SEMA4B: variants seen among roughly 807,000 people sequenced by gnomAD.
SEMA4B encodes the protein semaphorin-4B.
SEMA4B carries 55 observed loss-of-function variants against 88.1 expected under a neutral mutation model. That is an observed-to-expected ratio of 0.62 (90% CI 0.50 to 0.78). The LOEUF is 0.78. Ranked by LOEUF, SEMA4B falls within the 30% of genes least tolerant of loss-of-function variation. SEMA4B has a pLI of 0.00. For synonymous variants in SEMA4B, 525 were observed against 473.6 expected, an observed-to-expected ratio of 1.11 and a Z score of -1.41; for missense variants, 1,062 against 1,111.9, an observed-to-expected ratio of 0.96 and a Z score of 0.64.
rs908972803 is a variant in SEMA4B at position 90,223,549 on chromosome 15, C to T, written c.862-10C>T. Reference sequence around the variant, plus strand: ...GTGCCTAAGCCCAGCCCATCCGACTCTCCCTCCAGGGCGATGAGGGTGGAG... The same window carrying T: ...GTGCCTAAGCCCAGCCCATCCGACTTTCCCTCCAGGGCGATGAGGGTGGAG... On this transcript the variant is annotated splice_polypyrimidine_tract_variant and intron_variant, in intron 7 of 13. Transcript: ENST00000411539. 6.4e-7 allele frequency: 1 copy of T among 1,567,084 alleles called. No individual in the cohort carries two copies. The highest frequency in any genetic ancestry group is 2.3e-5 in the East Asian group (1 of 44,248).
At chr15:90,185,528 T>C (rs1960138598) in intron 1 of SEMA4B, among the ~76,000 whole-genome samples, 1 of 152,156 alleles carries the variant, frequency 6.6e-6, no homozygotes, top group Admixed American at 6.5e-5. Context: ...GAGAAGGAAG[T>C]TGAGGTTCTG....
intron 7 of SEMA4B, 96 bp downstream of exon 7, chr15:90,221,861 CG>C (rs66795544): frequency 0.54 from 645,002 of 1,202,822 alleles, 181,066 homozygotes; most frequent in East Asian, 0.82. Context: ...TTTCCCATCC[CG>C]CCAAGGAGTA....
At chr15:90,227,791 G>T in intron 13 of SEMA4B, 113 bp from the exon 14 acceptor site, 1 of 1,519,968 alleles carries the variant, frequency 6.6e-7, no homozygotes. Flanking sequence ...AGTCCCAGGG[G>T]TCCCCGGAGT....
chr15:90,198,246 T>C (rs1324039599), upstream of SEMA4B, among the ~76,000 whole-genome samples: 2 of 152,074 alleles, frequency 1.3e-5, no homozygotes, highest in East Asian at 3.8e-4. Context: ...CCAAAGTTGA[T>C]ATAAAAAAAA....
intron 9 of SEMA4B, 80 bp downstream of exon 9, chr15:90,224,068 A>G (rs781185753): frequency 3.3e-5 from 46 of 1,377,080 alleles, no homozygotes; most frequent in Non-Finnish European, 4.5e-5. Flanking sequence ...AAGGCTGCCT[A>G]GCCTCGGGCA....
upstream of SEMA4B, among the ~76,000 whole-genome samples, chr15:90,197,418 T>G (rs979363613): frequency 2.0e-5 from 3 of 151,778 alleles, no homozygotes; most frequent in South Asian, 4.2e-4. Flanking sequence ...AAACGAAGAT[T>G]TAGGTGCTAG....
intron 4 of SEMA4B, chr15:90,220,199 C>A (rs1253019061): frequency 3.0e-6 from 1 of 330,734 alleles, no homozygotes; most frequent in Non-Finnish European, 5.6e-6. Flanking sequence ...TTGCTTGATT[C>A]TCTTGTCTTA....
rs7180448 is a variant in SEMA4B at position 90,201,414 on chromosome 15, T to C, written c.-165T>C. 4.5e-3 allele frequency: 5,749 copies of C among 1,283,696 alleles called. 185 individuals carry two copies. The African/African-American group carries it at 0.076, about 17-fold the overall frequency. The allele number at this position is 1,283,696 out of a possible 1,614,324, so 79.5% of individuals were successfully genotyped here. The stretch of plus-strand genomic sequence containing the variant: ...CGGTGCCCCGCGGAGGGGCTGAGTT[T>C]GCCAGGGCCCACTTGACCCTGTTTC... On this transcript the variant is annotated 5_prime_UTR_variant, in exon 1 of 14. Transcript: ENST00000411539.
Position 90,228,385 on chromosome 15 carries a change from A to T in SEMA4B, c.2256A>T (p.Glu752Asp). The T allele has an allele frequency of 6.3e-7, 1 of 1,599,378 alleles. No homozygotes were observed. Among genetic ancestry groups the T allele is most frequent in the Non-Finnish European group, 8.5e-7 (1 of 1,172,446 alleles). ...TGAAAGTCTTCCTGAAGCAGGGGGA[A>T]TGTGCCAGCGTGCACCCCAAGACCT... is the stretch of plus-strand genomic sequence containing the variant. ...NSMKVFLKQG[E>D]CASVHPKTCP... The change falls in exon 14 of 14, where the codon GAA (glutamate) becomes GAT (aspartate). Residue 752 changes from glutamate (E) to aspartate (D), a missense_variant. Transcript: ENST00000411539.
intron 12 of SEMA4B, among the ~76,000 whole-genome samples, chr15:90,226,792 G>A (rs965071844): frequency 1.3e-5 from 2 of 152,116 alleles, no homozygotes; most frequent in African/African-American, 4.8e-5. Context: ...TAACTGTCAT[G>A]ATCACTGGCT....
Position 90,228,608 on chromosome 15 carries a change from C to G in SEMA4B, c.2479C>G (p.Arg827Gly), listed in dbSNP as rs772058869. The G allele has an allele frequency of 6.2e-7, 1 of 1,613,332 alleles. No individual in the cohort carries two copies. Among genetic ancestry groups the G allele is most frequent in the Non-Finnish European group, 8.5e-7 (1 of 1,179,902 alleles). ...CCCAGTGTGCCCCCGGCCCCGGGTC[C>G]GCCTTGGCTCGGAGATCCGTGACTC... ...VSPVCPRPRVRLGSEIRDSVV is the reference protein window; with the variant it reads ...VSPVCPRPRVGLGSEIRDSVV The change falls in exon 14 of 14, where the codon CGC (arginine) becomes GGC (glycine). Residue 827 changes from arginine to glycine, a missense_variant. Physicochemically the swap from Arg to Gly is moderately radical, Grantham distance 125. Transcript: ENST00000411539.
chr15:90,208,977 G>A (rs1399413344), intron 1 of SEMA4B, among the ~76,000 whole-genome samples: 2 of 152,026 alleles, frequency 1.3e-5, no homozygotes, highest in African/African-American at 2.4e-5. Flanking sequence ...CCTGTCAGCT[G>A]TTATACTTCT....
At chr15:90,206,309 G>A (rs927304217) in intron 1 of SEMA4B, among the ~76,000 whole-genome samples, 19 of 152,152 alleles carry the variant, frequency 1.2e-4, no homozygotes. Flanking sequence ...TCCTGTGGTC[G>A]AGGCCTGCCT....
intron 1 of SEMA4B, among the ~76,000 whole-genome samples, chr15:90,209,235 A>T (rs747659677): frequency 2.6e-5 from 4 of 152,124 alleles, no homozygotes; most frequent in Non-Finnish European, 5.9e-5. Flanking sequence ...GATCTTGAAG[A>T]TGCTGTCAGC....
rs1461646709 is a variant in SEMA4B, at chr15:90,221,606, C to T, written c.710-8C>T. On this transcript the variant is annotated splice_region_variant and splice_polypyrimidine_tract_variant and intron_variant, in intron 6 of 13. Transcript: ENST00000411539. ...GCTGACTCTGAGCTCCTGACCTGGT[C>T]CCTACAGACCCAGCTTTTGTGGCCT... The T allele has an allele frequency of 1.2e-6, 2 of 1,613,836 alleles. No homozygotes were observed. Among genetic ancestry groups the T allele is most frequent in the Non-Finnish European group, 1.7e-6 (2 of 1,179,858 alleles).
intron 1 of SEMA4B, among the ~76,000 whole-genome samples, chr15:90,186,571 G>A (rs1181503878): frequency 4.6e-5 from 7 of 151,984 alleles, no homozygotes; most frequent in African/African-American, 1.2e-4. Flanking sequence ...TGAGCCAGCC[G>A]AGATTGTGAT....
rs1395861284 is a variant in SEMA4B at position 90,228,317 on chromosome 15, C to T, written c.2188C>T (p.Leu730=). The T allele has an allele frequency of 1.3e-6, 2 of 1,597,482 alleles. No homozygotes were observed. The highest frequency in any genetic ancestry group is 8.5e-7 in the Non-Finnish European group (1 of 1,171,200). Residue 730 remains leucine (L), a synonymous_variant, in exon 14 of 14, where the codon CTG becomes TTG. Transcript: ENST00000411539. ...GTGCACGCTCTTTGTGCTGGCCGTG[C>T]TGCTCCCAGTTTTATTCTTGCTCTA... is the stretch of plus-strand genomic sequence containing the variant. ...VMCTLFVLAV[L]LPVLFLLYRH... is the part of the protein sequence containing the mutation.
rs375296793 is a variant in SEMA4B, at chr15:90,225,221, G to A, written c.1405+43G>A. ...AGCAGGCTCAGGGGAAGGGGTGCAC[G>A]TGGCTGGTGGGTCATGGGCAGTGGG... On this transcript the variant is annotated intron_variant, in intron 10 of 13. Coordinates refer to ENST00000411539, the MANE Select transcript of SEMA4B (RefSeq NM_198925.4). 137 of 1,557,596 alleles carry A rather than the reference G, an allele frequency of 8.8e-5. 1 individual carries two copies. In the South Asian group the frequency reaches 1.1e-3, roughly 13 times the overall value.
At chr15:90,225,617 T>C in intron 11 of SEMA4B, 44 bp from the exon 12 acceptor site, 1 of 1,543,660 alleles carries the variant, frequency 6.5e-7, no homozygotes, top group African/African-American at 1.4e-5. Context: ...GTGATGGCCC[T>C]GGCTGCCCAT....
Sources: allele counts gnomAD v4.1 joint callset (sites outside exome capture counted in the v4.1 genomes callset), GRCh38; gene constraint gnomAD v4.1.1; transcripts MANE v1.5; gene names NCBI Gene and HGNC (gene_info 2026-07-23, HGNC 2026-07-21).